Variants in SLC20A2 observed in about 807,000 individuals in gnomAD.
SLC20A2 encodes sodium-dependent phosphate transporter 2.
In SLC20A2, 30 loss-of-function variants were observed where a neutral mutation model predicts 61.0. The ratio of observed to expected loss-of-function variants is 0.49; its 90% CI spans 0.37 to 0.67. SLC20A2 has a LOEUF of 0.67. Among genes scored for constraint, SLC20A2 ranks in the 30% least tolerant of loss-of-function variants. The probability of loss-of-function intolerance (pLI) is 0.00; values close to 1 mark genes in which losing one functional copy is unlikely to be tolerated. For synonymous variants in SLC20A2, 351 were observed against 353.3 expected (o/e 0.99, Z 0.07); for missense variants, 626 against 866.4 (o/e 0.72, Z 3.48).
upstream of SLC20A2, among the ~76,000 whole-genome samples, chr8:42,503,834 G>A (rs1178485493): frequency 6.6e-6 from 1 of 152,128 alleles, no homozygotes; most frequent in Non-Finnish European, 1.5e-5. Context: ...ATGTTTCTGG[G>A]CATGTGCACA....
chr8:42,507,876 C>T (rs555040364), intron 1 of SLC20A2, among the ~76,000 whole-genome samples: 2 of 152,182 alleles, frequency 1.3e-5, no homozygotes, highest in Admixed American at 6.5e-5. Flanking sequence ...TCAAGAAAGG[C>T]TGGCCCGGCG....
intron 2 of SLC20A2, chr8:42,471,085 T>G: frequency 2.2e-6 from 1 of 448,012 alleles, no homozygotes; most frequent in Non-Finnish European, 4.5e-6. Flanking sequence ...GCAGGACTCT[T>G]CCTACAAGAG....
At position 42,437,071 on chromosome 8, in the gene SLC20A2, G is replaced by A. The variant is rs1484831902; in HGVS notation, c.1441C>T (p.Pro481Ser). The A allele has an allele frequency of 6.8e-6, 11 of 1,614,068 alleles. No individual in the cohort carries two copies. In the South Asian group the frequency reaches 1.2e-4, roughly 18 times the overall value. Reference sequence around the variant, plus strand: ...AAATGGAACAGGAGGTGAACCTCGGGTGCGTCCTTCTCCTCCTTCTCCTCC... The same window carrying A: ...AAATGGAACAGGAGGTGAACCTCGGATGCGTCCTTCTCCTCCTTCTCCTCC... The part of the protein sequence containing the change: ...AEEEKEEKDA[P>S]EVHLLFHFLQ... The change falls in exon 8 of 11, where the codon CCC becomes TCC. Residue 481 changes from proline (P) to serine (S), a missense_variant. Pro to Ser is a moderately conservative substitution (Grantham distance 74). Around this residue, in one of 3 missense-constraint regions of SLC20A2, gnomAD observed 361 missense variants for 422.3 expected, o/e 0.85. Coordinates refer to ENST00000520262, the MANE Select transcript of SLC20A2 (RefSeq NM_001257180.2). This position sits in a 1 kb window ranked among gnomAD's most constrained non-coding sequence, Gnocchi z 6.4.
upstream of SLC20A2, among the ~76,000 whole-genome samples, chr8:42,503,260 A>T (rs1449908797): frequency 6.6e-6 from 1 of 152,240 alleles, no homozygotes; most frequent in Admixed American, 6.5e-5. Context: ...TGTTCTAGGT[A>T]TACTTATGAC....
intron 8 of SLC20A2, among the ~76,000 whole-genome samples, chr8:42,436,335 C>T (rs1804250955): frequency 6.6e-6 from 1 of 152,158 alleles, no homozygotes; most frequent in African/African-American, 2.4e-5. Context: ...CAGCATCGCG[C>T]CCTGGCTGCA....
At chr8:42,434,743 G>A (rs1226862665) in intron 8 of SLC20A2, among the ~76,000 whole-genome samples, 5 of 152,138 alleles carry the variant, frequency 3.3e-5, no homozygotes, top group African/African-American at 1.2e-4. Flanking sequence ...TTCACCAGAC[G>A]CTCTCCCTGC....
Position 42,488,180 on chromosome 8 carries a change from CTTTTTTT to C in SLC20A2, c.-265+12844_-265+12850del, listed in dbSNP as rs35200743. Among the ~76,000 whole-genome samples the C allele has an allele frequency of 3.7e-4, 32 of 87,012 alleles. No individual in the cohort carries two copies. In the East Asian group the frequency reaches 9.0e-3, roughly 25 times the overall value. The allele number at this position is 87,012 out of a possible 152,430, so 57.1% of individuals were successfully genotyped here. A position where few individuals can be genotyped will look rare whatever the true frequency, so the allele number is the denominator to read the frequency against. On this transcript the variant is annotated intron_variant, in intron 1 of 10. Coordinates refer to ENST00000520262, the MANE Select transcript of SLC20A2 (RefSeq NM_001257180.2). ...CTTTTAGCGACTGTGAATAATACTG[CTTTTTTT>C]TTTTTTTTTTTTTTTTGAGACAGAG...
chr8:42,444,472 C>T (rs1805041201), intron 6 of SLC20A2, among the ~76,000 whole-genome samples, 174 bp downstream of exon 6: 2 of 152,134 alleles, frequency 1.3e-5, no homozygotes, highest in African/African-American at 4.8e-5. Flanking sequence ...TACAACTTAT[C>T]AAGAAAACGT....
chr8:42,433,482 C>T (rs753453737), intron 8 of SLC20A2, among the ~76,000 whole-genome samples: 6 of 152,072 alleles, frequency 3.9e-5, no homozygotes, highest in Non-Finnish European at 7.4e-5. Context: ...TGCCACCACG[C>T]CTGGCTAATT....
intron 1 of SLC20A2, among the ~76,000 whole-genome samples, chr8:42,539,693 C>T (rs1412324550): frequency 1.3e-5 from 2 of 152,130 alleles, no homozygotes; most frequent in Admixed American, 6.6e-5. Flanking sequence ...AGGAATGTCA[C>T]TTAGAAATTA....
intron 2 of SLC20A2, among the ~76,000 whole-genome samples, chr8:42,468,699 A>AAGAAACGGC (rs1807379390): frequency 6.6e-6 from 1 of 151,824 alleles, no homozygotes; most frequent in Non-Finnish European, 1.5e-5. Flanking sequence ...GTGCAGATGA[A>AAGAAACGGC]AGAAACGGCA....
intron 6 of SLC20A2, among the ~76,000 whole-genome samples, chr8:42,440,895 C>T (rs773738722): frequency 2.0e-5 from 3 of 152,156 alleles, no homozygotes; most frequent in African/African-American, 4.8e-5. Context: ...CCGCCTCACG[C>T]GTTCAAGCGA....
At chr8:42,453,210 C>T (rs1198380330) in intron 5 of SLC20A2, among the ~76,000 whole-genome samples, 2 of 152,188 alleles carry the variant, frequency 1.3e-5, no homozygotes, top group African/African-American at 4.8e-5. Flanking sequence ...GAACAAAAAC[C>T]AGGCCCCACA....
intron 5 of SLC20A2, among the ~76,000 whole-genome samples, chr8:42,446,255 A>T (rs1259395177): frequency 6.6e-6 from 1 of 152,236 alleles, no homozygotes; most frequent in Admixed American, 6.5e-5. Flanking sequence ...ACATTAGCCA[A>T]TCCAAGGGTG....
chr8:42,433,801 C>T (rs892889171), intron 8 of SLC20A2, among the ~76,000 whole-genome samples: 6 of 152,222 alleles, frequency 3.9e-5, no homozygotes, highest in African/African-American at 1.2e-4. Flanking sequence ...CTATTGCAAA[C>T]GGCAGTGCTT....
rs554932905 is a variant in SLC20A2 at position 42,513,264 on chromosome 8, C to T, written c.-265+28557G>A. Among the ~76,000 whole-genome samples the T allele has an allele frequency of 2.0e-5, 3 of 152,272 alleles. No individual in the cohort carries two copies. In the South Asian group the frequency reaches 6.2e-4, roughly 32 times the overall value. ...GGAGAACTGTCCATATAAGGGCATC[C>T]TCATATCAGTAACTCAGTTGGAACA... On this transcript the variant is annotated intron_variant, in intron 1 of 10. Coordinates refer to the SLC20A2 transcript ENST00000342228.
intron 5 of SLC20A2, among the ~76,000 whole-genome samples, chr8:42,456,125 T>C (rs534471857): frequency 9.2e-5 from 14 of 151,866 alleles, no homozygotes; most frequent in African/African-American, 3.1e-4. Flanking sequence ...AGCCAAAAGA[T>C]GGGGGAAAGA....
chr8:42,427,513 G>A (rs1026476615), intron 10 of SLC20A2, among the ~76,000 whole-genome samples: 16 of 152,338 alleles, frequency 1.1e-4, no homozygotes, highest in East Asian at 5.8e-4. Flanking sequence ...TGTGCCATGC[G>A]TGTGGTGTTG....
At chr8:42,447,386 C>T (rs1385050324) in intron 5 of SLC20A2, among the ~76,000 whole-genome samples, 2 of 149,380 alleles carry the variant, frequency 1.3e-5, no homozygotes, top group Non-Finnish European at 3.0e-5. Context: ...AAAAAATTAA[C>T]ATACATTTGG....
Sources: allele counts gnomAD v4.1 joint callset (sites outside exome capture counted in the v4.1 genomes callset), GRCh38; gene constraint gnomAD v4.1.1; regional missense constraint gnomAD v4.1.1; non-coding constraint Gnocchi (gnomAD v3.1); transcripts MANE v1.5; gene names NCBI Gene and HGNC (gene_info 2026-07-23, HGNC 2026-07-21).